Variants in LRRC58 observed in about 807,000 individuals in gnomAD.
LRRC58 encodes leucine rich repeat containing 58.
LRRC58 carries 18 observed loss-of-function variants against 30.6 expected under a neutral mutation model. The observed-to-expected ratio is 0.59, with a 90% confidence interval of 0.41 to 0.87. The LOEUF (loss-of-function observed/expected upper bound fraction) is 0.87. LRRC58 is among the 40% of genes least tolerant of loss of function. The pLI is 0.00. For missense variants in LRRC58, 420 were observed against 468.4 expected, an observed-to-expected ratio of 0.90 and a Z score of 0.95; for synonymous variants, 221 against 206.0, an observed-to-expected ratio of 1.07 and a Z score of -0.62.
rs1935709188 is a variant in LRRC58 at position 120,328,290 on chromosome 3, C to A, written c.*2910G>T. On this transcript the variant is annotated 3_prime_UTR_variant, in exon 4 of 4. Transcript: ENST00000295628. ...CACTAATCTTCCTATTGCCCAGAAT[C>A]TTAGCACTATTTCACCAATTCAGTT... 6.6e-6 allele frequency: 1 copy of A among 152,178 alleles called. No individual in the cohort carries two copies. Among genetic ancestry groups the A allele is most frequent in the Non-Finnish European group, 1.5e-5 (1 of 68,034 alleles). The allele number at this position is 152,178 out of a possible 1,614,324, so 9.4% of individuals were successfully genotyped here.
chr3:120,348,289 T>G (rs993538180), intron 1 of LRRC58, among the ~76,000 whole-genome samples: 1 of 152,174 alleles, frequency 6.6e-6, no homozygotes, highest in Non-Finnish European at 1.5e-5. Flanking sequence ...CAAATGGTAG[T>G]TGGTACTGCC....
intron 1 of LRRC58, among the ~76,000 whole-genome samples, chr3:120,340,264 G>A (rs192677615): frequency 1.3e-5 from 2 of 152,118 alleles, no homozygotes; most frequent in East Asian, 1.9e-4. Flanking sequence ...AAATAACTCA[G>A]TAAAATCTTT....
chr3:120,324,529 ATG>A lies in LRRC58; in HGVS notation c.*6669_*6670del, dbSNP rs1935646750. On this transcript the variant is annotated 3_prime_UTR_variant, in exon 4 of 4. Coordinates refer to ENST00000295628, the MANE Select transcript of LRRC58 (RefSeq NM_001099678.2). ...CAGAGTCAATGTTAGTACATATTTA[ATG>A]TATGTATTCAATGATGTAACAAGTA... 1 of 152,188 alleles carries A rather than the reference ATG, an allele frequency of 6.6e-6. No homozygotes were observed. Among genetic ancestry groups the A allele is most frequent in the Non-Finnish European group, 1.5e-5 (1 of 68,028 alleles). The allele number at this position is 152,188 out of a possible 1,614,324, so 9.4% of individuals were successfully genotyped here.
chr3:120,347,379 CTT>C (rs796116731), intron 1 of LRRC58, among the ~76,000 whole-genome samples: 25 of 54,850 alleles, frequency 4.6e-4, no homozygotes, highest in East Asian at 4.2e-3. Flanking sequence ...GGCCAATATT[CTT>C]TTTTTTTTTT....
intron 1 of LRRC58, among the ~76,000 whole-genome samples, chr3:120,341,416 A>AG (rs1177163659): frequency 1.3e-5 from 2 of 152,188 alleles, no homozygotes; most frequent in African/African-American, 4.8e-5. Flanking sequence ...CTAGAGAGGG[A>AG]GAAAAAAAAT....
rs534601810 is a variant in LRRC58 at position 120,334,956 on chromosome 3, C to G, written c.813G>C (p.Lys271Asn). Residue 271 changes from lysine to asparagine, a missense_variant, in exon 3 of 4, where the codon AAG becomes AAC. Lys to Asn is a moderately conservative substitution (Grantham distance 94, BLOSUM62 0). Around this residue, in one of 2 missense-constraint regions of LRRC58, gnomAD observed 154 missense variants for 216.8 expected, o/e 0.71. Transcript: ENST00000295628. ...TLLELAARTI[K>N]IRNISYTPYD... ...AGGGAGTGTAGGAAATATTTCGAAT[C>G]TTAATGGTCCGTGCAGCTAATTCCA... The G allele has an allele frequency of 1.9e-6, 3 of 1,613,810 alleles. No individual in the cohort carries two copies. The African/African-American group carries it at 4.0e-5, about 22-fold the overall frequency.
At chr3:120,343,759 G>A (rs1935932710) in intron 1 of LRRC58, among the ~76,000 whole-genome samples, 1 of 152,230 alleles carries the variant, frequency 6.6e-6, no homozygotes, top group African/African-American at 2.4e-5. Flanking sequence ...GCTGGGCACA[G>A]TGGTTCACGT....
intron 3 of LRRC58, among the ~76,000 whole-genome samples, chr3:120,331,744 C>A (rs1000344971): frequency 6.6e-6 from 1 of 152,088 alleles, no homozygotes; most frequent in Non-Finnish European, 1.5e-5. Context: ...ACCCAAGCCA[C>A]CCCCTTGGTA....
At chr3:120,337,382 T>G (rs1366310855) in intron 1 of LRRC58, among the ~76,000 whole-genome samples, 2 of 152,212 alleles carry the variant, frequency 1.3e-5, no homozygotes, top group Non-Finnish European at 2.9e-5. Context: ...ATTAGTGAAG[T>G]TTAGCATCTT....
intron 3 of LRRC58, among the ~76,000 whole-genome samples, chr3:120,332,164 C>T (rs1935766554): frequency 6.6e-6 from 1 of 152,176 alleles, no homozygotes; most frequent in Admixed American, 6.5e-5. Context: ...ATCTCTAAGA[C>T]AAAGACTGTC....
At position 120,325,060 on chromosome 3, in the gene LRRC58, T is replaced by C. The variant is rs1267308596; in HGVS notation, c.*6140A>G. 1.3e-5 allele frequency: 2 copies of C among 152,240 alleles called. No homozygotes were observed. Among genetic ancestry groups the C allele is most frequent in the Non-Finnish European group, 2.9e-5 (2 of 68,038 alleles). 9.4% of individuals were successfully genotyped at this position (152,240 alleles called of 1,614,324 possible). On this transcript the variant is annotated 3_prime_UTR_variant, in exon 4 of 4. Coordinates refer to ENST00000295628, the MANE Select transcript of LRRC58 (RefSeq NM_001099678.2). ...CTTATCTAAAACTTTTCTCCCATTATGTTTTTGTTTCTCATGAATACAAAG... is the reference window on the plus strand; with the variant it reads ...CTTATCTAAAACTTTTCTCCCATTACGTTTTTGTTTCTCATGAATACAAAG...
At chr3:120,343,431 T>C (rs1276796515) in intron 1 of LRRC58, among the ~76,000 whole-genome samples, 1 of 152,232 alleles carries the variant, frequency 6.6e-6, no homozygotes, top group Non-Finnish European at 1.5e-5. Context: ...TTATCAACAT[T>C]GCAACTCTGT....
At chr3:120,335,675 C>T in intron 2 of LRRC58, 150 bp downstream of exon 2, 1 of 620,192 alleles carries the variant, frequency 1.6e-6, no homozygotes, top group Non-Finnish European at 2.6e-6. Flanking sequence ...AAAAACTCAG[C>T]TTGCAGCAAA....
chr3:120,337,414 A>G (rs1476600616), intron 1 of LRRC58, among the ~76,000 whole-genome samples: 1 of 152,150 alleles, frequency 6.6e-6, no homozygotes, highest in East Asian at 1.9e-4. Flanking sequence ...AGACATTTGT[A>G]TATCTTTAGA....
Position 120,330,689 on chromosome 3 carries a change from A to G in LRRC58, c.*511T>C, listed in dbSNP as rs1008648427. 6.5e-6 allele frequency: 1 copy of G among 153,416 alleles called. No individual in the cohort carries two copies. Among genetic ancestry groups the G allele is most frequent in the Non-Finnish European group, 1.5e-5 (1 of 68,876 alleles). 9.5% of individuals were successfully genotyped at this position (153,416 alleles called of 1,614,324 possible). A position where few individuals can be genotyped will look rare whatever the true frequency, so the allele number is the denominator to read the frequency against. On this transcript the variant is annotated 3_prime_UTR_variant, in exon 4 of 4. Coordinates refer to ENST00000295628, the MANE Select transcript of LRRC58 (RefSeq NM_001099678.2). The stretch of plus-strand genomic sequence containing the variant: ...GTGAGCTTCTTTGAATAGTTCTGTA[A>G]TCTAGACATACAGGCAATTAGAAAA...
Position 120,331,351 on chromosome 3 carries a change from T to A in LRRC58, c.965A>T (p.Tyr322Phe), listed in dbSNP as rs1341737502. 1.2e-6 allele frequency: 2 copies of A among 1,613,884 alleles called. No individual in the cohort carries two copies. Among genetic ancestry groups the A allele is most frequent in the Admixed American group, 1.7e-5 (1 of 60,022 alleles). Reference protein sequence around the residue: ...QIKFVDFCGKYRLPLMHYLCS... With the variant: ...QIKFVDFCGKFRLPLMHYLCS... Reference sequence around the variant, plus strand: ...CAAGTAGTGCATCAGTGGGAGGCGATACTTCCCACAGAAGTCCACAAATTT... The same window carrying A: ...CAAGTAGTGCATCAGTGGGAGGCGAAACTTCCCACAGAAGTCCACAAATTT... The change falls in exon 4 of 4, where the codon TAT (tyrosine) becomes TTT (phenylalanine). Residue 322 changes from tyrosine (Y) to phenylalanine (F), a missense_variant. Transcript: ENST00000295628.
In LRRC58 at chr3:120,330,935, T is replaced by G. The variant is rs1426891263; in HGVS notation, c.*265A>C. 1.4e-5 allele frequency: 6 copies of G among 441,570 alleles called. No homozygotes were observed. The highest frequency in any genetic ancestry group is 2.5e-5 in the Non-Finnish European group (6 of 240,722). The allele number at this position is 441,570 out of a possible 1,614,324, so 27.4% of individuals were successfully genotyped here. ...CAAAAGGTACCATTCTGCTTTGTGA[T>G]TCATGCAAAACTTGAGTGAAAACTG... On this transcript the variant is annotated 3_prime_UTR_variant, in exon 4 of 4. Transcript: ENST00000295628.
intron 1 of LRRC58, among the ~76,000 whole-genome samples, chr3:120,345,075 CTTAT>C (rs2107627492): frequency 6.6e-6 from 1 of 151,610 alleles, no homozygotes; most frequent in East Asian, 1.9e-4. Context: ...TCAGCATCTA[CTTAT>C]TTGTTATACT....
Position 120,336,033 on chromosome 3 carries a change from G to A in LRRC58, c.501-80C>T, listed in dbSNP as rs55951432. 2,452 of 977,976 alleles carry A rather than the reference G, an allele frequency of 2.5e-3. 38 individuals are homozygous for A. The African/African-American group carries it at 0.035, about 14-fold the overall frequency. 60.6% of individuals were successfully genotyped at this position (977,976 alleles called of 1,614,324 possible). A position where few individuals can be genotyped will look rare whatever the true frequency, so the allele number is the denominator to read the frequency against. ...CCATTGTGTCTACTACAAAAAACAC[G>A]TTTCATCTATTCATTCAGCAAATGT... On this transcript the variant is annotated intron_variant, in intron 1 of 3. Coordinates refer to ENST00000295628, the MANE Select transcript of LRRC58 (RefSeq NM_001099678.2).
Sources: allele counts gnomAD v4.1 joint callset (sites outside exome capture counted in the v4.1 genomes callset), GRCh38; gene constraint gnomAD v4.1.1; regional missense constraint gnomAD v4.1.1; transcripts MANE v1.5; gene names NCBI Gene and HGNC (gene_info 2026-07-23, HGNC 2026-07-21).